CHST12: variants seen among roughly 807,000 people sequenced by gnomAD.
CHST12 encodes carbohydrate (chondroitin 4) sulfotransferase 12.
Under a neutral mutation model 27.9 loss-of-function variants are expected in CHST12, and 23 were observed. The ratio of observed to expected loss-of-function variants is 0.82; its 90% CI spans 0.59 to 1.17. The LOEUF (loss-of-function observed/expected upper bound fraction) is 1.17, where lower values mean the gene tolerates loss of function less well. CHST12 is among the 50% of genes most tolerant of loss of function. CHST12 has a pLI of 0.00. For missense variants in CHST12, 682 were observed against 603.0 expected (o/e 1.13, Z -1.37); for synonymous variants, 322 against 273.0 (o/e 1.18, Z -1.77).
chr7:2,418,884 C>A (rs899508124), intron 1 of CHST12, among the ~76,000 whole-genome samples: 1 of 152,176 alleles, frequency 6.6e-6, no homozygotes, highest in Non-Finnish European at 1.5e-5. Context: ...GCAGCCTTGA[C>A]CTCCTGGGTT....
intron 1 of CHST12, among the ~76,000 whole-genome samples, chr7:2,422,814 G>C (rs569441717): frequency 6.6e-6 from 1 of 151,990 alleles, no homozygotes; most frequent in Admixed American, 6.6e-5. Context: ...GATTACAGGA[G>C]AGAGCCACTG....
At chr7:2,414,286 TC>T (rs1402343097) in intron 1 of CHST12, among the ~76,000 whole-genome samples, 1 of 151,546 alleles carries the variant, frequency 6.6e-6, no homozygotes, top group Admixed American at 6.6e-5. Context: ...TTTTTCTTTT[TC>T]TTTTTTTTTC....
intron 1 of CHST12, among the ~76,000 whole-genome samples, chr7:2,414,516 C>G (rs1031284001): frequency 6.6e-6 from 1 of 152,112 alleles, no homozygotes; most frequent in Non-Finnish European, 1.5e-5. Context: ...AACTCCTTAC[C>G]TCAGGTGATC....
At chr7:2,410,385 C>A (rs942420129) in intron 1 of CHST12, among the ~76,000 whole-genome samples, 1 of 152,132 alleles carries the variant, frequency 6.6e-6, no homozygotes, top group Admixed American at 6.6e-5. Context: ...TGGTGGCTCA[C>A]GCCTGTAATC....
At chr7:2,425,440 C>A (rs1782090499) in intron 1 of CHST12, among the ~76,000 whole-genome samples, 1 of 152,070 alleles carries the variant, frequency 6.6e-6, no homozygotes, top group Admixed American at 6.6e-5. Context: ...CCCTCCACCC[C>A]CAAAAGGGCC....
At position 2,405,842 on chromosome 7, in the gene CHST12, G is replaced by A. The variant is rs546369854; in HGVS notation, c.-78+2169G>A. On this transcript the variant is annotated intron_variant, in intron 1 of 1. Transcript: ENST00000618655. ...TAGACCTGCAGAGTTGGCGGTATTG[G>A]TGGCCATCCTGGAGGAGATGTGACC... is the stretch of plus-strand genomic sequence containing the variant. Among the ~76,000 whole-genome samples, 3 of 152,302 alleles carry A rather than the reference G, an allele frequency of 2.0e-5. No individual in the cohort carries two copies. In the South Asian group the frequency reaches 6.2e-4, roughly 32 times the overall value.
intron 1 of CHST12, among the ~76,000 whole-genome samples, chr7:2,420,238 G>T (rs1019410255): frequency 6.6e-6 from 1 of 152,096 alleles, no homozygotes; most frequent in South Asian, 2.1e-4. Flanking sequence ...TTCCCAAAGT[G>T]CTGGGATTAC....
rs1359986660 is a variant in CHST12, at chr7:2,445,380, A to C, written c.*11496A>C. 1 of 152,176 alleles carries C rather than the reference A, an allele frequency of 6.6e-6. No homozygotes were observed. The highest frequency in any genetic ancestry group is 1.5e-5 in the Non-Finnish European group (1 of 68,044). 9.4% of individuals were successfully genotyped at this position (152,176 alleles called of 1,614,324 possible). On this transcript the variant is annotated 3_prime_UTR_variant, in exon 2 of 2. Transcript: ENST00000618655. ...TCTCCTCCAGCCGACCCCGCCCCCCAGGGCATTCGAGAAAAGGGTGCTTGT... is the reference window on the plus strand; with the variant it reads ...TCTCCTCCAGCCGACCCCGCCCCCCCGGGCATTCGAGAAAAGGGTGCTTGT...
intron 1 of CHST12, among the ~76,000 whole-genome samples, chr7:2,425,214 A>G (rs1782079008): frequency 1.0e-5 from 1 of 99,918 alleles, no homozygotes; most frequent in South Asian, 3.4e-4. Context: ...AAAAAAAAAA[A>G]AAAAACAACA....
chr7:2,416,424 C>T (rs1217965124), intron 1 of CHST12, among the ~76,000 whole-genome samples: 5 of 152,220 alleles, frequency 3.3e-5, no homozygotes, highest in African/African-American at 1.2e-4. Context: ...TTCTTAAAGG[C>T]ATTAGAATGG....
intron 1 of CHST12, among the ~76,000 whole-genome samples, chr7:2,425,831 T>A (rs566050718): frequency 6.6e-6 from 1 of 152,218 alleles, no homozygotes; most frequent in East Asian, 1.9e-4. Flanking sequence ...CGTTTCCATC[T>A]CTTATTTATT....
Position 2,441,587 on chromosome 7 carries a change from G to C in CHST12, c.*7703G>C, listed in dbSNP as rs944507433. ...ATGCACCTGTAGTCCCAGCTACTTG[G>C]GAGGCTGAGGTGGGAGGATCGCTTG... is the stretch of plus-strand genomic sequence containing the variant. On this transcript the variant is annotated 3_prime_UTR_variant, in exon 2 of 2. Coordinates refer to ENST00000618655, the MANE Select transcript of CHST12 (RefSeq NM_018641.5). The C allele has an allele frequency of 1.3e-5, 2 of 151,860 alleles. No individual in the cohort carries two copies. Among genetic ancestry groups the C allele is most frequent in the Middle Eastern group, 3.2e-3 (1 of 316 alleles). 9.4% of individuals were successfully genotyped at this position (151,860 alleles called of 1,614,324 possible).
chr7:2,419,197 C>T (rs1781895451), intron 1 of CHST12, among the ~76,000 whole-genome samples: 1 of 151,808 alleles, frequency 6.6e-6, no homozygotes, highest in African/African-American at 2.4e-5. Flanking sequence ...TCACTTGAGC[C>T]CAGGAGTTCA....
chr7:2,432,585 T>C lies in CHST12; in HGVS notation c.-55T>C, dbSNP rs1782301674. ...CAGGTTCCCAGCAGGATGCCCCGGCTCTGCAGGAAGCTGAAGTGAGAGGCC... is the reference window on the plus strand; with the variant it reads ...CAGGTTCCCAGCAGGATGCCCCGGCCCTGCAGGAAGCTGAAGTGAGAGGCC... On this transcript the variant is annotated 5_prime_UTR_variant, in exon 2 of 2. Transcript: ENST00000618655. 6.4e-7 allele frequency: 1 copy of C among 1,551,786 alleles called. No individual in the cohort carries two copies. Among genetic ancestry groups the C allele is most frequent in the Admixed American group, 1.9e-5 (1 of 53,240 alleles).
intron 1 of CHST12, among the ~76,000 whole-genome samples, chr7:2,413,666 C>T (rs1262530826): frequency 2.0e-5 from 3 of 150,736 alleles, no homozygotes; most frequent in Non-Finnish European, 4.4e-5. Flanking sequence ...TGAATCAGCA[C>T]TTCACCCTTT....
intron 1 of CHST12, among the ~76,000 whole-genome samples, chr7:2,409,911 C>G (rs1160468048): frequency 1.3e-5 from 2 of 152,024 alleles, no homozygotes; most frequent in Non-Finnish European, 2.9e-5. Context: ...TGTATGCTGT[C>G]TCGTCGTTGT....
At chr7:2,405,988 G>A (rs1477949619) in intron 1 of CHST12, among the ~76,000 whole-genome samples, 3 of 152,140 alleles carry the variant, frequency 2.0e-5, no homozygotes, top group African/African-American at 7.2e-5. Flanking sequence ...CCTTGACTAC[G>A]CACAGTCATT....
intron 1 of CHST12, among the ~76,000 whole-genome samples, chr7:2,425,441 CA>C (rs1284406546): frequency 6.6e-6 from 1 of 152,086 alleles, no homozygotes; most frequent in Non-Finnish European, 1.5e-5. Context: ...CCTCCACCCC[CA>C]AAAGGGCCTA....
rs954918079 is a variant in CHST12, at chr7:2,442,653, A to G, written c.*8769A>G. On this transcript the variant is annotated 3_prime_UTR_variant, in exon 2 of 2. Transcript: ENST00000618655. ...GCTGGGATTACAGGCATGAGACACCACGCCCCGCCGAGTCCCTGCTTTTAA... is the reference window on the plus strand; with the variant it reads ...GCTGGGATTACAGGCATGAGACACCGCGCCCCGCCGAGTCCCTGCTTTTAA... 2.0e-5 allele frequency: 3 copies of G among 152,160 alleles called. No homozygotes were observed. Among genetic ancestry groups the G allele is most frequent in the Admixed American group, 1.3e-4 (2 of 15,260 alleles). The allele number at this position is 152,160 out of a possible 1,614,324, so 9.4% of individuals were successfully genotyped here. A position where few individuals can be genotyped will look rare whatever the true frequency, so the allele number is the denominator to read the frequency against.
Sources: allele counts gnomAD v4.1 joint callset (sites outside exome capture counted in the v4.1 genomes callset), GRCh38; gene constraint gnomAD v4.1.1; transcripts MANE v1.5; gene names NCBI Gene and HGNC (gene_info 2026-07-23, HGNC 2026-07-21).